SLC39A11: variants seen among roughly 807,000 people sequenced by gnomAD.
SLC39A11 encodes zinc transporter ZIP11.
Under a neutral mutation model 36.1 loss-of-function variants are expected in SLC39A11, and 33 were observed. The ratio of observed to expected loss-of-function variants is 0.91; its 90% confidence interval spans 0.69 to 1.22. SLC39A11 has a LOEUF of 1.22. Ranked by LOEUF, SLC39A11 falls within the 50% of genes most tolerant of loss-of-function variation. The pLI is 0.00. For missense variants in SLC39A11, 432 were observed against 430.3 expected (o/e 1.00, Z -0.03); for synonymous variants, 166 against 170.3 (o/e 0.97, Z 0.20).
chr17:72,846,016 C>CT (rs1298340666), intron 6 of SLC39A11, among the ~76,000 whole-genome samples: 1 of 85,318 alleles, frequency 1.2e-5, no homozygotes, highest in African/African-American at 5.0e-5. Context: ...CTCTCTCTCT[C>CT]TCTTTTTTTT....
intron 7 of SLC39A11, among the ~76,000 whole-genome samples, chr17:72,703,699 GT>G (rs1391340823): frequency 6.6e-6 from 1 of 152,212 alleles, no homozygotes; most frequent in African/African-American, 2.4e-5. Context: ...TCAACTCAGA[GT>G]TTTCAGAAAC....
chr17:72,691,854 G>T (rs780410383), intron 7 of SLC39A11, among the ~76,000 whole-genome samples: 4 of 152,092 alleles, frequency 2.6e-5, no homozygotes, highest in Non-Finnish European at 5.9e-5. Context: ...GTCCAAGTTT[G>T]GTCAACAGTG....
At chr17:73,067,566 A>C (rs2060032496) in intron 3 of SLC39A11, among the ~76,000 whole-genome samples, 1 of 152,074 alleles carries the variant, frequency 6.6e-6, no homozygotes. Context: ...GGCAATGAAG[A>C]CGCTTATACA....
chr17:72,930,501 A>G (rs141239817), intron 5 of SLC39A11, among the ~76,000 whole-genome samples: 12 of 152,302 alleles, frequency 7.9e-5, no homozygotes, highest in African/African-American at 2.9e-4. Flanking sequence ...CCTCAAGTTG[A>G]GTAGTACTGG....
chr17:72,980,181 G>A (rs957434417), intron 4 of SLC39A11, among the ~76,000 whole-genome samples: 2 of 152,136 alleles, frequency 1.3e-5, no homozygotes, highest in African/African-American at 4.8e-5. Context: ...AACAAAAAAA[G>A]GTATTTTGTT....
At chr17:72,753,749 C>T (rs980074609) in intron 6 of SLC39A11, among the ~76,000 whole-genome samples, 1 of 151,846 alleles carries the variant, frequency 6.6e-6, no homozygotes, top group Non-Finnish European at 1.5e-5. Context: ...CAGGGTTGTA[C>T]AAGTCTGTTT....
Position 73,073,066 on chromosome 17 carries a change from G to C in SLC39A11, c.147+11742C>G, listed in dbSNP as rs977859072. On this transcript the variant is annotated intron_variant, in intron 3 of 9. Coordinates refer to ENST00000255559, the MANE Select transcript of SLC39A11 (RefSeq NM_139177.4). ...GTGGTGGCAGGCGTCTGTAAGCCCA[G>C]CTACTCGGGAGGCCAAGGCACAAGA... Among the ~76,000 whole-genome samples the C allele has an allele frequency of 3.3e-5, 5 of 152,194 alleles. No individual in the cohort carries two copies. In the East Asian group the frequency reaches 9.6e-4, roughly 29 times the overall value.
At chr17:72,712,217 G>A (rs568539856) in intron 7 of SLC39A11, among the ~76,000 whole-genome samples, 301 of 152,356 alleles carry the variant, frequency 2.0e-3, no homozygotes, top group African/African-American at 6.9e-3. Flanking sequence ...ACAGACAGGG[G>A]ACAGGCTCCA....
intron 5 of SLC39A11, among the ~76,000 whole-genome samples, chr17:72,860,413 ACACATGTATGTGCC>A (rs1360109331): frequency 6.6e-6 from 1 of 152,216 alleles, no homozygotes; most frequent in Non-Finnish European, 1.5e-5. Context: ...GACAGAATAT[ACACATGTATGTGCC>A]CACATGCAGA....
chr17:72,813,133 T>C (rs978264601), intron 6 of SLC39A11, among the ~76,000 whole-genome samples: 2 of 152,202 alleles, frequency 1.3e-5, no homozygotes, highest in African/African-American at 4.8e-5. Flanking sequence ...GATGCCTTGC[T>C]ATTGGTCTTC....
chr17:73,019,813 A>G (rs74253747), intron 4 of SLC39A11, among the ~76,000 whole-genome samples: 10,642 of 152,178 alleles, frequency 0.07, 855 homozygotes, highest in African/African-American at 0.19. Flanking sequence ...GAACATTCCA[A>G]TTAAGAGACG....
intron 7 of SLC39A11, among the ~76,000 whole-genome samples, chr17:72,730,389 C>A (rs1467953893): frequency 1.3e-5 from 2 of 152,174 alleles, no homozygotes; most frequent in African/African-American, 4.8e-5. Context: ...AATGTAATAC[C>A]CGCTTTCTTT....
intron 7 of SLC39A11, among the ~76,000 whole-genome samples, chr17:72,679,261 TAGAAG>T (rs2071405736): frequency 6.6e-6 from 1 of 152,166 alleles, no homozygotes; most frequent in African/African-American, 2.4e-5. Flanking sequence ...TCAAAATAGG[TAGAAG>T]AGAAGAATTG....
intron 7 of SLC39A11, among the ~76,000 whole-genome samples, chr17:72,698,831 CT>C (rs994446039): frequency 1.3e-5 from 2 of 151,956 alleles, no homozygotes; most frequent in Non-Finnish European, 2.9e-5. Context: ...GAGGTTGGTT[CT>C]TTTTTTGTTT....
At chr17:73,000,361 ATCC>A (rs754170979) in intron 4 of SLC39A11, among the ~76,000 whole-genome samples, 1 of 140,924 alleles carries the variant, frequency 7.1e-6, no homozygotes, top group Non-Finnish European at 1.5e-5. Context: ...CCTCCTCCTC[ATCC>A]TCCTCCTCCT....
At chr17:73,063,447 A>G (rs1359103877) in intron 3 of SLC39A11, among the ~76,000 whole-genome samples, 1 of 152,058 alleles carries the variant, frequency 6.6e-6, no homozygotes, top group Non-Finnish European at 1.5e-5. Context: ...GTATTTTCAG[A>G]GGGTAAAAGA....
intron 5 of SLC39A11, among the ~76,000 whole-genome samples, chr17:72,909,656 T>C (rs2082858337): frequency 1.3e-5 from 2 of 152,256 alleles, no homozygotes; most frequent in African/African-American, 2.4e-5. Context: ...TGAAGAATTG[T>C]TGATTTATGC....
chr17:72,931,314 C>T (rs944471873), intron 5 of SLC39A11, among the ~76,000 whole-genome samples: 1 of 152,144 alleles, frequency 6.6e-6, no homozygotes, highest in East Asian at 1.9e-4. Flanking sequence ...ACTGCAGAAG[C>T]GAGAGGAAAA....
At chr17:72,843,744 C>T (rs192788311) in intron 6 of SLC39A11, among the ~76,000 whole-genome samples, 19 of 152,324 alleles carry the variant, frequency 1.2e-4, no homozygotes, top group African/African-American at 3.6e-4. Context: ...ATGTGTACAA[C>T]ATCCTCTTGT....
Sources: gnomAD v4.1 joint callset for allele counts (sites outside exome capture counted in the v4.1 genomes callset) on GRCh38, gnomAD v4.1.1 for gene constraint, MANE v1.5 for transcripts, NCBI Gene and HGNC (gene_info 2026-07-23, HGNC 2026-07-21) for gene names.